PPP1R12B: variants seen among roughly 807,000 people sequenced by gnomAD.
PPP1R12B encodes myosin phosphatase target subunit 2.
Under a neutral mutation model 126.1 loss-of-function variants are expected in PPP1R12B, and 76 were observed. The observed-to-expected ratio is 0.60, with a 90% CI of 0.50 to 0.73. The LOEUF is 0.73. Among genes scored for constraint, PPP1R12B ranks in the 30% least tolerant of loss-of-function variants. PPP1R12B has a pLI of 0.00. For synonymous variants in PPP1R12B, 356 were observed against 434.7 expected (o/e 0.82, Z 2.25); for missense variants, 1,052 against 1,205.1 (o/e 0.87, Z 1.88).
intron 1 of PPP1R12B, among the ~76,000 whole-genome samples, chr1:202,366,992 T>C (rs532623032): frequency 6.6e-6 from 1 of 152,300 alleles, no homozygotes; most frequent in South Asian, 2.1e-4. Flanking sequence ...TGCATAGTTT[T>C]CTGTACCAAA....
intron 13 of PPP1R12B, among the ~76,000 whole-genome samples, chr1:202,482,899 C>T (rs1041607381): frequency 6.6e-6 from 1 of 152,208 alleles, no homozygotes; most frequent in Non-Finnish European, 1.5e-5. Flanking sequence ...AGTCTCTAAT[C>T]TACTTTGAAT....
chr1:202,520,087 A>G (rs1005152568), intron 18 of PPP1R12B, among the ~76,000 whole-genome samples: 1 of 152,210 alleles, frequency 6.6e-6, no homozygotes, highest in Non-Finnish European at 1.5e-5. Flanking sequence ...CTGGCAGATT[A>G]TTTCTGAGCA....
At chr1:202,400,080 T>A (rs1571831313) in intron 1 of PPP1R12B, among the ~76,000 whole-genome samples, 1 of 152,144 alleles carries the variant, frequency 6.6e-6, no homozygotes, top group Non-Finnish European at 1.5e-5. Context: ...ATACCCAGTG[T>A]TTAGCTCACA....
intron 10 of PPP1R12B, 108 bp from the exon 11 acceptor site, chr1:202,440,598 C>T: frequency 1.4e-6 from 1 of 720,178 alleles, no homozygotes; most frequent in Non-Finnish European, 2.3e-6. Flanking sequence ...GTGTTGGATC[C>T]AGAAATAAGA....
At chr1:202,452,873 T>G (rs541964286) in intron 13 of PPP1R12B, among the ~76,000 whole-genome samples, 3 of 151,884 alleles carry the variant, frequency 2.0e-5, no homozygotes, top group African/African-American at 7.3e-5. Context: ...CACTGTGTTG[T>G]CCAAGCTGGT....
chr1:202,418,345 G>A (rs1156921546), intron 2 of PPP1R12B, among the ~76,000 whole-genome samples: 1 of 152,158 alleles, frequency 6.6e-6, no homozygotes, highest in Non-Finnish European at 1.5e-5. Context: ...TTACATTCAA[G>A]GATTCAATTT....
chr1:202,446,256 A>ATT lies in PPP1R12B; in HGVS notation c.1668-2719_1668-2718dup, dbSNP rs71142531. Among the ~76,000 whole-genome samples the ATT allele has an allele frequency of 3.3e-3, 181 of 54,330 alleles. 3 individuals are homozygous for ATT. The highest frequency in any genetic ancestry group is 7.1e-3 in the East Asian group (9 of 1,262). The allele number at this position is 54,330 out of a possible 152,430, so 35.6% of individuals were successfully genotyped here. A position where few individuals can be genotyped will look rare whatever the true frequency, so the allele number is the denominator to read the frequency against. On this transcript the variant is annotated intron_variant, in intron 12 of 23. Transcript: ENST00000608999. ...TCTCTCTATATATATATATATATAT[A>ATT]TTTTTTTTTTTTTTTGAGATGGAAT...
At chr1:202,531,472 T>A (rs1047631093) in intron 18 of PPP1R12B, among the ~76,000 whole-genome samples, 1 of 152,188 alleles carries the variant, frequency 6.6e-6, no homozygotes, top group East Asian at 1.9e-4. Context: ...CTTACAGTAC[T>A]TTGTATATCC....
chr1:202,440,669 G>A, intron 10 of PPP1R12B, 37 bp from the exon 11 acceptor site: 1 of 1,491,036 alleles, frequency 6.7e-7, no homozygotes, highest in Non-Finnish European at 9.4e-7. Flanking sequence ...TGCCAGTATT[G>A]TACCTTTCTT....
intron 18 of PPP1R12B, among the ~76,000 whole-genome samples, chr1:202,535,638 C>T (rs187128875): frequency 0.022 from 3,346 of 152,198 alleles, 57 homozygotes; most frequent in Non-Finnish European, 0.031. Flanking sequence ...AGACTTTTTT[C>T]TTCCCTCTTT....
At chr1:202,556,942 G>A (rs1483122741) in intron 18 of PPP1R12B, among the ~76,000 whole-genome samples, 1 of 152,182 alleles carries the variant, frequency 6.6e-6, no homozygotes, top group Non-Finnish European at 1.5e-5. Context: ...GCTAATGAGT[G>A]ACATAGCCCA....
At chr1:202,425,197 C>T (rs1472743352) in intron 3 of PPP1R12B, among the ~76,000 whole-genome samples, 1 of 152,080 alleles carries the variant, frequency 6.6e-6, no homozygotes, top group Non-Finnish European at 1.5e-5. Context: ...ATTATATTTA[C>T]CTTGAAGGAT....
At chr1:202,518,837 G>T (rs1682440858) in intron 18 of PPP1R12B, among the ~76,000 whole-genome samples, 1 of 152,158 alleles carries the variant, frequency 6.6e-6, no homozygotes, top group South Asian at 2.1e-4. Context: ...TGGGAATTTT[G>T]TCAGAGAACT....
chr1:202,476,815 G>A lies in PPP1R12B; in HGVS notation c.1851-11718G>A, dbSNP rs530035603. ...ATACCATTCTCTCCTCAACAGATTT[G>A]AGGTATAGGACTCTAAAGCTACTTC... On this transcript the variant is annotated intron_variant, in intron 13 of 23. Transcript: ENST00000608999. Among the ~76,000 whole-genome samples, 5 of 151,878 alleles carry A rather than the reference G, an allele frequency of 3.3e-5. No individual in the cohort carries two copies. The South Asian group carries it at 1.0e-3, about 32-fold the overall frequency.
chr1:202,507,535 A>C (rs1248525310), intron 18 of PPP1R12B, among the ~76,000 whole-genome samples: 3 of 152,194 alleles, frequency 2.0e-5, no homozygotes, highest in Non-Finnish European at 4.4e-5. Context: ...TTTTCAGAAG[A>C]AATTATTAAC....
chr1:202,492,033 C>T (rs1211402352), intron 14 of PPP1R12B, among the ~76,000 whole-genome samples: 7 of 152,134 alleles, frequency 4.6e-5, no homozygotes, highest in African/African-American at 1.7e-4. Context: ...CTAAATCATC[C>T]GTGGCCTCTC....
chr1:202,591,401 G>T lies in PPP1R12B; in HGVS notation c.*10841G>T, dbSNP rs71635587. On this transcript the variant is annotated 3_prime_UTR_variant, in exon 24 of 24. Transcript: ENST00000608999. ...TGGGGCCAGGGGCCGCAGGCAGGGG[G>T]GCTACCTGTCCCTCTCAGTTCAACA... The T allele has an allele frequency of 0.057, 8,738 of 152,626 alleles. 355 individuals are homozygous for T. The highest frequency in any genetic ancestry group is 0.089 in the Non-Finnish European group (6,088 of 68,284). 9.5% of individuals were successfully genotyped at this position (152,626 alleles called of 1,614,324 possible).
intron 1 of PPP1R12B, among the ~76,000 whole-genome samples, chr1:202,366,694 TTAA>T (rs1659301829): frequency 6.6e-6 from 1 of 152,110 alleles, no homozygotes; most frequent in Non-Finnish European, 1.5e-5. Flanking sequence ...ACCAGATGTA[TTAA>T]TAATGATGAT....
intron 2 of PPP1R12B, among the ~76,000 whole-genome samples, chr1:202,420,761 A>G (rs1421931177): frequency 6.6e-6 from 1 of 152,174 alleles, no homozygotes; most frequent in Non-Finnish European, 1.5e-5. Context: ...TTGGAATTGA[A>G]TAAGGTCTGT....
Sources: allele counts gnomAD v4.1 joint callset (sites outside exome capture counted in the v4.1 genomes callset), GRCh38; gene constraint gnomAD v4.1.1; transcripts MANE v1.5; gene names NCBI Gene and HGNC (gene_info 2026-07-23, HGNC 2026-07-21).